SLC44A3: variants seen among roughly 807,000 people sequenced by gnomAD.
SLC44A3 encodes the protein solute carrier family 44 member 3.
Under a neutral mutation model 75.4 loss-of-function variants are expected in SLC44A3, and 74 were observed. The observed-to-expected ratio is 0.98, with a 90% CI of 0.81 to 1.19. The LOEUF (loss-of-function observed/expected upper bound fraction) is 1.19, where lower values mean the gene tolerates loss of function less well. Ranked by LOEUF, SLC44A3 falls within the 50% of genes most tolerant of loss-of-function variation. The pLI is 0.00. For synonymous variants in SLC44A3, 310 were observed against 296.9 expected, an observed-to-expected ratio of 1.04 and a Z score of -0.45; for missense variants, 700 against 778.6, an observed-to-expected ratio of 0.90 and a Z score of 1.20.
chr1:94,830,262 G>C (rs1408419774), intron 5 of SLC44A3, among the ~76,000 whole-genome samples: 1 of 152,126 alleles, frequency 6.6e-6, no homozygotes, highest in Admixed American at 6.5e-5. Context: ...ACCCAGGCTG[G>C]AGTGCAGTGG....
intron 5 of SLC44A3, among the ~76,000 whole-genome samples, chr1:94,829,023 G>A (rs1268005630): frequency 6.6e-6 from 1 of 152,116 alleles, no homozygotes; most frequent in African/African-American, 2.4e-5. Context: ...GGCGGATCAC[G>A]AGGTCAGGAG....
chr1:94,829,289 A>G (rs1248696229), intron 5 of SLC44A3, among the ~76,000 whole-genome samples: 1 of 97,322 alleles, frequency 1.0e-5, no homozygotes, highest in Non-Finnish European at 2.2e-5. Flanking sequence ...CTCAAAAAAA[A>G]AAAGAAAATC....
intron 5 of SLC44A3, among the ~76,000 whole-genome samples, chr1:94,835,134 C>T (rs752269085): frequency 2.0e-5 from 3 of 152,074 alleles, no homozygotes; most frequent in Non-Finnish European, 4.4e-5. Flanking sequence ...GTCAAGGTCA[C>T]GAGAAACATG....
intron 2 of SLC44A3, among the ~76,000 whole-genome samples, chr1:94,821,360 A>T (rs193127481): frequency 6.6e-6 from 1 of 152,306 alleles, no homozygotes; most frequent in East Asian, 1.9e-4. Flanking sequence ...ACTGAACAGA[A>T]GTTCTTTTAG....
In SLC44A3 at chr1:94,845,302, G is replaced by A. The variant is rs773475294; in HGVS notation, c.910G>A (p.Val304Ile). The change falls in exon 9 of 15, where the codon GTT becomes ATT. Residue 304 changes from valine to isoleucine, a missense_variant. By Grantham distance (29) the Val-to-Ile change is conservative. Coordinates refer to ENST00000271227, the MANE Select transcript of SLC44A3 (RefSeq NM_001114106.3). ...ITAVLLVLIFVLRKRIKLTVE... is the reference protein window; with the variant it reads ...ITAVLLVLIFILRKRIKLTVE... ...GGCAGTGCTGCTCGTCTTGATTTTT[G>A]TTCTCAGAAAGAGAATAAAATTGAC... 3.1e-6 allele frequency: 5 copies of A among 1,610,390 alleles called. No homozygotes were observed. The highest frequency in any genetic ancestry group is 2.2e-5 in the East Asian group (1 of 44,820).
intron 9 of SLC44A3, 92 bp from the exon 10 acceptor site, chr1:94,857,243 A>G (rs1458726516): frequency 3.0e-6 from 4 of 1,341,298 alleles, no homozygotes; most frequent in East Asian, 2.6e-5. Flanking sequence ...ATGTAATGCC[A>G]AAGGCCAAGC....
intron 12 of SLC44A3, among the ~76,000 whole-genome samples, chr1:94,884,454 G>A (rs781227369): frequency 1.5e-4 from 23 of 152,304 alleles, no homozygotes; most frequent in South Asian, 2.1e-4. Flanking sequence ...ATCTGGACTC[G>A]GATTTCACTG....
chr1:94,821,462 T>A (rs1431150209), intron 2 of SLC44A3, among the ~76,000 whole-genome samples: 1 of 152,206 alleles, frequency 6.6e-6, no homozygotes, highest in East Asian at 1.9e-4. Context: ...ATAAACTGCA[T>A]TTCCTTTAGC....
In SLC44A3 at chr1:94,845,242, T is replaced by C. The variant is rs747777088; in HGVS notation, c.886-36T>C. On this transcript the variant is annotated intron_variant, in intron 8 of 14. Transcript: ENST00000271227. ...TTAAGCTCTACCCAGTTCTCCATTA[T>C]TTGGAAGTAATTTACTCAAATCCCT... is the stretch of plus-strand genomic sequence containing the variant. The C allele has an allele frequency of 1.2e-5, 19 of 1,555,890 alleles. No homozygotes were observed. The African/African-American group carries it at 2.5e-4, about 20-fold the overall frequency.
chr1:94,880,860 C>T (rs1435673459), intron 12 of SLC44A3, among the ~76,000 whole-genome samples: 2 of 145,648 alleles, frequency 1.4e-5, no homozygotes, highest in Middle Eastern at 3.5e-3. Flanking sequence ...CAGTTAAAAG[C>T]GGCTAAGATG....
chr1:94,838,533 A>G (rs1663129091), intron 6 of SLC44A3, among the ~76,000 whole-genome samples: 1 of 152,234 alleles, frequency 6.6e-6, no homozygotes, highest in Non-Finnish European at 1.5e-5. Flanking sequence ...CAGTGGTAAG[A>G]GCCTATTGTC....
chr1:94,866,242 C>T (rs1448564978), intron 11 of SLC44A3, among the ~76,000 whole-genome samples: 1 of 152,168 alleles, frequency 6.6e-6, no homozygotes, highest in Non-Finnish European at 1.5e-5. Context: ...CAGCCGGGAG[C>T]TTGCTCTCCC....
intron 8 of SLC44A3, 56 bp from the exon 9 acceptor site, chr1:94,845,222 C>T: frequency 6.6e-7 from 1 of 1,514,688 alleles, no homozygotes; most frequent in Non-Finnish European, 8.9e-7. Flanking sequence ...TTGCTTTAAG[C>T]TCTACCCAGT....
intron 12 of SLC44A3, among the ~76,000 whole-genome samples, chr1:94,872,225 C>T (rs1388342948): frequency 6.6e-6 from 1 of 152,070 alleles, no homozygotes; most frequent in Non-Finnish European, 1.5e-5. Flanking sequence ...CCTCAGCCTC[C>T]CGAGTAGCTG....
At chr1:94,871,315 C>T (rs1667744052) in intron 12 of SLC44A3, among the ~76,000 whole-genome samples, 1 of 152,220 alleles carries the variant, frequency 6.6e-6, no homozygotes, top group Non-Finnish European at 1.5e-5. Context: ...CCAGAAAAGG[C>T]TGGTCAGGGT....
Position 94,845,199 on chromosome 1 carries a change from ATAATAGTAGGG to A in SLC44A3, c.886-78_886-68del, listed in dbSNP as rs1664245494. 5.0e-6 allele frequency: 7 copies of A among 1,411,694 alleles called. No homozygotes were observed. In the African/African-American group the frequency reaches 8.6e-5, roughly 17 times the overall value. The allele number at this position is 1,411,694 out of a possible 1,614,324, so 87.4% of individuals were successfully genotyped here. A position where few individuals can be genotyped will look rare whatever the true frequency, so the allele number is the denominator to read the frequency against. On this transcript the variant is annotated intron_variant, in intron 8 of 14. Coordinates refer to ENST00000271227, the MANE Select transcript of SLC44A3 (RefSeq NM_001114106.3). ...AAGAGCTGTTTGCTGAGATGTCATA[ATAATAGTAGGG>A]CTTGCTTTAAGCTCTACCCAGTTCT...
chr1:94,846,152 A>G (rs2101098799), intron 9 of SLC44A3, among the ~76,000 whole-genome samples: 1 of 151,802 alleles, frequency 6.6e-6, no homozygotes, highest in Non-Finnish European at 1.5e-5. Context: ...GTCTCAAAAA[A>G]AAAAAAAAAA....
intron 14 of SLC44A3, 91 bp from the exon 15 acceptor site, chr1:94,894,727 C>T (rs908810715): frequency 3.9e-6 from 4 of 1,028,258 alleles, no homozygotes; most frequent in Non-Finnish European, 5.8e-6. Flanking sequence ...AGCAAACCGT[C>T]AGAGGGCAAA....
chr1:94,820,712 G>T, intron 1 of SLC44A3: 2 of 1,389,792 alleles, frequency 1.4e-6, no homozygotes, highest in Non-Finnish European at 1.9e-6. Context: ...TCGTCCTCAG[G>T]TGCACCTCCA....
Sources: gnomAD v4.1 joint callset for allele counts (sites outside exome capture counted in the v4.1 genomes callset) on GRCh38, gnomAD v4.1.1 for gene constraint, MANE v1.5 for transcripts, NCBI Gene and HGNC (gene_info 2026-07-23, HGNC 2026-07-21) for gene names.